The following SLC39A11 variants were observed in gnomAD, a reference collection of about 807,000 sequenced individuals.
SLC39A11 encodes solute carrier family 39 member 11.
SLC39A11 carries 33 observed loss-of-function variants against 36.1 expected under a neutral mutation model. The ratio of observed to expected loss-of-function variants is 0.91; its 90% CI spans 0.69 to 1.22. The LOEUF (loss-of-function observed/expected upper bound fraction) is 1.22. Among genes scored for constraint, SLC39A11 ranks in the 50% most tolerant of loss-of-function variants. The pLI is 0.00. For synonymous variants in SLC39A11, 166 were observed against 170.3 expected, an observed-to-expected ratio of 0.97 and a Z score of 0.20; for missense variants, 432 against 430.3, an observed-to-expected ratio of 1.00 and a Z score of -0.03.
rs747488475 is a variant in SLC39A11, at chr17:72,736,696, A to T, written c.625T>A (p.Phe209Ile). 2 of 1,613,972 alleles carry T rather than the reference A, an allele frequency of 1.2e-6. No individual in the cohort carries two copies. Among genetic ancestry groups the T allele is most frequent in the Non-Finnish European group, 1.7e-6 (2 of 1,179,926 alleles). The change falls in exon 7 of 10, where the codon TTT becomes ATT. Residue 209 changes from phenylalanine (F) to isoleucine (I), a missense_variant. Coordinates refer to ENST00000255559, the MANE Select transcript of SLC39A11 (RefSeq NM_139177.4). ...VPEGLAVGVG[F>I]GAIEKTASAT... Reference sequence around the variant, plus strand: ...GATGCCGTCTTTTCTATAGCCCCAAATCCAACTCCAACAGCGAGACCCTCT... The same window carrying T: ...GATGCCGTCTTTTCTATAGCCCCAATTCCAACTCCAACAGCGAGACCCTCT...
chr17:73,020,650 T>C (rs1462385194), intron 4 of SLC39A11, among the ~76,000 whole-genome samples: 2 of 151,504 alleles, frequency 1.3e-5, no homozygotes, highest in Non-Finnish European at 2.9e-5. Flanking sequence ...ACAATGCTTT[T>C]GGGTTTTTGG....
chr17:72,719,654 C>A (rs1156454320), intron 7 of SLC39A11, among the ~76,000 whole-genome samples: 1 of 152,188 alleles, frequency 6.6e-6, no homozygotes, highest in Admixed American at 6.5e-5. Flanking sequence ...ATCTCCAGTG[C>A]CCGGGAAAGC....
At chr17:72,703,866 G>A (rs2072766619) in intron 7 of SLC39A11, among the ~76,000 whole-genome samples, 1 of 152,240 alleles carries the variant, frequency 6.6e-6, no homozygotes, top group East Asian at 1.9e-4. Flanking sequence ...GGTGGCTCAT[G>A]CCTGTAATCC....
At chr17:73,086,058 CAG>C (rs1164936352) in intron 2 of SLC39A11, among the ~76,000 whole-genome samples, 1 of 152,170 alleles carries the variant, frequency 6.6e-6, no homozygotes, top group Non-Finnish European at 1.5e-5. Flanking sequence ...AGCACAGAAA[CAG>C]GGAAAATATC....
chr17:72,798,431 T>TTTTTGG (rs2076972351), intron 6 of SLC39A11, among the ~76,000 whole-genome samples: 1 of 150,776 alleles, frequency 6.6e-6, no homozygotes, highest in African/African-American at 2.4e-5. Context: ...TTTTTTTTTT[T>TTTTTGG]GAGATGGAGC....
At chr17:72,803,970 T>C (rs1490183752) in intron 6 of SLC39A11, among the ~76,000 whole-genome samples, 1 of 150,930 alleles carries the variant, frequency 6.6e-6, no homozygotes, top group South Asian at 2.1e-4. Context: ...GTTAAACCTG[T>C]TTCTACGTTT....
intron 7 of SLC39A11, among the ~76,000 whole-genome samples, chr17:72,660,577 G>C (rs2070365095): frequency 6.6e-6 from 1 of 152,196 alleles, no homozygotes; most frequent in South Asian, 2.1e-4. Flanking sequence ...GAACCATATG[G>C]AGATAGGGGC....
intron 5 of SLC39A11, among the ~76,000 whole-genome samples, chr17:72,910,583 C>T (rs1289001765): frequency 7.4e-6 from 1 of 135,774 alleles, no homozygotes; most frequent in African/African-American, 2.8e-5. Context: ...GAGATCGTGT[C>T]ACTGCACCCC....
intron 7 of SLC39A11, among the ~76,000 whole-genome samples, chr17:72,686,774 G>T (rs982126454): frequency 6.6e-6 from 1 of 152,144 alleles, no homozygotes. Flanking sequence ...TATTAAATGG[G>T]CTTCCCTTGC....
intron 4 of SLC39A11, among the ~76,000 whole-genome samples, chr17:73,010,555 A>T (rs1411292372): frequency 6.6e-6 from 1 of 152,200 alleles, no homozygotes; most frequent in African/African-American, 2.4e-5. Flanking sequence ...CAGAACCTCC[A>T]GAGGGAGGTC....
intron 7 of SLC39A11, among the ~76,000 whole-genome samples, chr17:72,672,309 C>T (rs1264617573): frequency 6.6e-6 from 1 of 152,066 alleles, no homozygotes; most frequent in Non-Finnish European, 1.5e-5. Flanking sequence ...ATTGGCCAGG[C>T]TTGGTGGCGT....
At chr17:72,699,162 C>T (rs188126312) in intron 7 of SLC39A11, among the ~76,000 whole-genome samples, 176 of 152,250 alleles carry the variant, frequency 1.2e-3, no homozygotes, top group African/African-American at 3.7e-3. Flanking sequence ...ACCGAAATCA[C>T]TCTAGACCAT....
intron 6 of SLC39A11, among the ~76,000 whole-genome samples, chr17:72,805,466 G>A (rs1396115082): frequency 6.6e-6 from 1 of 152,218 alleles, no homozygotes; most frequent in Non-Finnish European, 1.5e-5. Context: ...TTTGCACTTA[G>A]CATGTGGAAC....
At chr17:72,926,625 A>C (rs2084064011) in intron 5 of SLC39A11, among the ~76,000 whole-genome samples, 1 of 152,112 alleles carries the variant, frequency 6.6e-6, no homozygotes, top group African/African-American at 2.4e-5. Flanking sequence ...AAGCCTTCTA[A>C]GAGACTTCCA....
In SLC39A11 at chr17:72,729,424, TATATATATATATATATA is replaced by T. The variant is rs2074082898; in HGVS notation, c.671+7209_671+7225del. Among the ~76,000 whole-genome samples the T allele has an allele frequency of 8.8e-4, 2 of 2,262 alleles. 1 individual carries two copies. Among genetic ancestry groups the T allele is most frequent in the Non-Finnish European group, 2.1e-3 (2 of 938 alleles). 1.5% of individuals were successfully genotyped at this position (2,262 alleles called of 152,430 possible). On this transcript the variant is annotated intron_variant, in intron 7 of 9. Transcript: ENST00000255559. ...GGCTATTTATATATATATATATATA[TATATATATATATATATA>T]TATATATATATATATATTTTTTTTT... is the stretch of plus-strand genomic sequence containing the variant.
intron 6 of SLC39A11, among the ~76,000 whole-genome samples, chr17:72,748,813 A>G (rs1288414981): frequency 6.6e-6 from 1 of 152,214 alleles, no homozygotes; most frequent in Non-Finnish European, 1.5e-5. Context: ...GCCCAGATGC[A>G]TGCCTCTAGC....
intron 4 of SLC39A11, among the ~76,000 whole-genome samples, chr17:72,998,599 G>C (rs1353519061): frequency 6.6e-6 from 1 of 152,202 alleles, no homozygotes; most frequent in Non-Finnish European, 1.5e-5. Context: ...GATAGGAATG[G>C]GGCAGTAAGT....
At chr17:72,750,819 C>A (rs2075127562) in intron 6 of SLC39A11, among the ~76,000 whole-genome samples, 1 of 152,120 alleles carries the variant, frequency 6.6e-6, no homozygotes. Context: ...TTACACATCC[C>A]AGTTCAGCAA....
At chr17:72,819,129 A>G (rs888127966) in intron 6 of SLC39A11, among the ~76,000 whole-genome samples, 1 of 140,734 alleles carries the variant, frequency 7.1e-6, no homozygotes, top group African/African-American at 2.5e-5. Context: ...TTATTTGGAA[A>G]TTGTGTGGTT....
Sources: allele counts gnomAD v4.1 joint callset (sites outside exome capture counted in the v4.1 genomes callset), GRCh38; gene constraint gnomAD v4.1.1; transcripts MANE v1.5; gene names NCBI Gene and HGNC (gene_info 2026-07-23, HGNC 2026-07-21).